PCDH7: variants seen among roughly 807,000 people sequenced by gnomAD.
PCDH7 encodes the protein protocadherin 7.
Under a neutral mutation model 58.9 loss-of-function variants are expected in PCDH7, and 17 were observed. That is an observed-to-expected ratio of 0.29 (90% CI 0.20 to 0.43). The LOEUF is 0.43. Ranked by LOEUF, PCDH7 falls within the 20% of genes least tolerant of loss-of-function variation. The probability of loss-of-function intolerance (pLI) is 1.00; values close to 1 mark genes in which losing one functional copy is unlikely to be tolerated. For missense variants in PCDH7, 1,274 were observed against 1,441.0 expected (o/e 0.88, Z 1.88); for synonymous variants, 664 against 616.4 (o/e 1.08, Z -1.14).
intron 3 of PCDH7, among the ~76,000 whole-genome samples, chr4:31,076,472 C>G (rs541594775): frequency 6.6e-6 from 1 of 152,128 alleles, no homozygotes; most frequent in South Asian, 2.1e-4. Context: ...ATAAATAAGA[C>G]ATTAGTGTAA....
chr4:30,959,698 A>T (rs1180547700), intron 3 of PCDH7, among the ~76,000 whole-genome samples: 2 of 152,190 alleles, frequency 1.3e-5, no homozygotes, highest in Admixed American at 1.3e-4. Context: ...CTAAGGATTT[A>T]GTTTATAAAA....
intron 3 of PCDH7, among the ~76,000 whole-genome samples, chr4:31,117,684 G>T (rs907110452): frequency 3.3e-5 from 5 of 152,096 alleles, no homozygotes; most frequent in African/African-American, 9.7e-5. Flanking sequence ...AGAATATAAT[G>T]ATGGAGATAA....
chr4:31,083,762 G>A (rs1300344277), intron 3 of PCDH7, among the ~76,000 whole-genome samples: 1 of 152,166 alleles, frequency 6.6e-6, no homozygotes, highest in Admixed American at 6.5e-5. Flanking sequence ...CCTTGACCTT[G>A]TCAAAGCAGT....
intron 1 of PCDH7, among the ~76,000 whole-genome samples, chr4:30,754,711 A>G (rs1184741476): frequency 2.0e-5 from 3 of 152,108 alleles, no homozygotes; most frequent in Non-Finnish European, 4.4e-5. Context: ...TTTATCTTCA[A>G]TTCAGTTTGG....
intron 3 of PCDH7, among the ~76,000 whole-genome samples, chr4:31,081,072 CTGGGTGTGTCT>C (rs1279266277): frequency 6.6e-6 from 1 of 152,096 alleles, no homozygotes. Flanking sequence ...CTACCCAGTC[CTGGGTGTGTCT>C]TTATTAGCAG....
At chr4:31,142,886 T>A (rs770820384) in exon 4 of PCDH7, 4 of 1,318,494 alleles carry the variant, frequency 3.0e-6, no homozygotes, top group Non-Finnish European at 4.0e-6. Context: ...TTTACATGTA[T>A]GAAAAGGAGA....
rs76289686 is a variant in PCDH7, at chr4:30,753,346, A to G, written c.70+28750A>G. Among the ~76,000 whole-genome samples the G allele has an allele frequency of 4.7e-4, 72 of 152,344 alleles. 1 individual carries two copies. In the East Asian group the frequency reaches 0.013, roughly 28 times the overall value. On this transcript the variant is annotated intron_variant, in intron 1 of 3. Coordinates refer to the PCDH7 transcript ENST00000509759. ...AATGAAAATGCCTCAGTTTATATAC[A>G]TGGTCGTGGTAAGCTGGGAACAGCA... is the stretch of plus-strand genomic sequence containing the variant.
chr4:30,775,630 G>A (rs535244065), intron 1 of PCDH7, among the ~76,000 whole-genome samples: 2 of 152,182 alleles, frequency 1.3e-5, no homozygotes, highest in South Asian at 2.1e-4. Context: ...GTTATAGGAC[G>A]GGCATGGTGG....
At chr4:31,000,584 A>G (rs1232954239) in intron 3 of PCDH7, among the ~76,000 whole-genome samples, 1 of 152,132 alleles carries the variant, frequency 6.6e-6, no homozygotes. Context: ...AAAGGTTAAA[A>G]TAAGTATGAG....
intron 3 of PCDH7, among the ~76,000 whole-genome samples, chr4:30,980,301 A>G (rs1047803545): frequency 2.0e-5 from 3 of 152,236 alleles, no homozygotes; most frequent in Non-Finnish European, 4.4e-5. Context: ...AATCTGAAAC[A>G]TGCTACATCA....
chr4:31,081,435 A>G (rs1759496734), intron 3 of PCDH7, among the ~76,000 whole-genome samples: 1 of 152,206 alleles, frequency 6.6e-6, no homozygotes, highest in African/African-American at 2.4e-5. Flanking sequence ...ATAACATTTT[A>G]TAAATGGAAA....
At chr4:31,035,619 C>A (rs188793367) in intron 3 of PCDH7, among the ~76,000 whole-genome samples, 28 of 152,200 alleles carry the variant, frequency 1.8e-4, no homozygotes, top group Admixed American at 6.5e-4. Context: ...TCCTCAGAAC[C>A]AAAGAGCAGG....
intron 1 of PCDH7, among the ~76,000 whole-genome samples, chr4:30,766,649 A>G (rs1340215330): frequency 6.8e-5 from 2 of 29,446 alleles, no homozygotes; most frequent in African/African-American, 6.4e-4. Context: ...AATCTCAAAC[A>G]TATATATATA....
chr4:31,133,256 C>T (rs61794147), intron 3 of PCDH7, among the ~76,000 whole-genome samples: 4,585 of 152,200 alleles, frequency 0.03, 182 homozygotes, highest in East Asian at 0.19. Flanking sequence ...TATCTTGAAC[C>T]CCACAGAAAC....
At chr4:31,003,378 G>GTTTT (rs57481302) in intron 3 of PCDH7, among the ~76,000 whole-genome samples, 1 of 146,788 alleles carries the variant, frequency 6.8e-6, no homozygotes, top group Non-Finnish European at 1.5e-5. Flanking sequence ...CAAAAATACT[G>GTTTT]TTTTTTTTTT....
intron 1 of PCDH7, among the ~76,000 whole-genome samples, chr4:30,876,209 C>T (rs1736265142): frequency 6.6e-6 from 1 of 151,992 alleles, no homozygotes; most frequent in Admixed American, 6.6e-5. Context: ...AATATTCTTA[C>T]CTGTTGTCAT....
chr4:30,940,345 T>C (rs61795879), intron 2 of PCDH7, among the ~76,000 whole-genome samples: 39,197 of 151,810 alleles, frequency 0.26, 5,367 homozygotes, highest in African/African-American at 0.35. Flanking sequence ...TTAAATTTTA[T>C]AAAATGGTAA....
At chr4:30,998,547 A>G (rs1752092124) in intron 3 of PCDH7, among the ~76,000 whole-genome samples, 1 of 152,026 alleles carries the variant, frequency 6.6e-6, no homozygotes, top group African/African-American at 2.4e-5. Context: ...AATTGACATC[A>G]CCTGGCCAAA....
intron 1 of PCDH7, among the ~76,000 whole-genome samples, chr4:30,788,883 C>A (rs35154721): frequency 2.6e-5 from 4 of 152,046 alleles, no homozygotes; most frequent in African/African-American, 4.8e-5. Flanking sequence ...ATTTTTAAGA[C>A]AATTTTAAGT....
Sources: allele counts gnomAD v4.1 joint callset (sites outside exome capture counted in the v4.1 genomes callset), GRCh38; gene constraint gnomAD v4.1.1; transcripts MANE v1.5; gene names NCBI Gene and HGNC (gene_info 2026-07-23, HGNC 2026-07-21).